The following TUT1 variants were observed in gnomAD, a reference collection of about 807,000 sequenced individuals.
TUT1 encodes terminal uridylyl transferase 1, U6 snRNA-specific.
TUT1 carries 26 observed loss-of-function variants against 48.8 expected under a neutral mutation model. That is an observed-to-expected ratio of 0.53 (90% CI 0.39 to 0.74). TUT1 has a LOEUF of 0.74. TUT1 is among the 30% of genes least tolerant of loss of function. The pLI is 0.00. For missense variants in TUT1, 1,065 were observed against 1,114.8 expected, an observed-to-expected ratio of 0.96 and a Z score of 0.64; for synonymous variants, 470 against 460.8, an observed-to-expected ratio of 1.02 and a Z score of -0.26.
chr11:62,591,479 C>G lies in TUT1; in HGVS notation c.7G>C (p.Ala3Pro). The change falls in exon 1 of 9, where the codon GCG becomes CCG. Residue 3 changes from alanine (A) to proline (P), a missense_variant. Coordinates refer to ENST00000476907, the MANE Select transcript of TUT1 (RefSeq NM_022830.3). MA[A>P]VDSDVESLPR... is the part of the protein sequence containing the mutation. ...AGCGATTCGACATCCGAATCCACCG[C>G]CGCCATAGCGACTCTCCTGTACCGA... The G allele has an allele frequency of 1.2e-6, 2 of 1,611,628 alleles. No homozygotes were observed. The highest frequency in any genetic ancestry group is 1.7e-6 in the Non-Finnish European group (2 of 1,178,896).
In TUT1 at chr11:62,575,446, G is replaced by GC. The variant is rs761045437; in HGVS notation, c.2272dup (p.Ala758GlyfsTer26). 12 of 1,611,114 alleles carry GC rather than the reference G, an allele frequency of 7.4e-6. No individual in the cohort carries two copies. The highest frequency in any genetic ancestry group is 1.7e-5 in the Admixed American group (1 of 59,990). The stretch of plus-strand genomic sequence containing the variant: ...CCAGCTCGCTGAGGAGGGCAGGGAT[G>GC]CCCCCTTCCCTGCCTCACCCTGAGA... On this transcript the variant is annotated frameshift_variant, in exon 9 of 9. Coordinates refer to ENST00000476907, the MANE Select transcript of TUT1 (RefSeq NM_022830.3). LOFTEE classifies it low-confidence loss of function (END_TRUNC).
intron 8 of TUT1, 50 bp from the exon 9 acceptor site, chr11:62,576,294 C>T (rs748482050): frequency 6.1e-6 from 9 of 1,475,676 alleles, no homozygotes; most frequent in Non-Finnish European, 8.1e-6. Context: ...GAGGCCAGAA[C>T]TGATACAGGT....
chr11:62,589,337 G>A, intron 1 of TUT1, 116 bp from the exon 2 acceptor site: 1 of 933,594 alleles, frequency 1.1e-6, no homozygotes. Flanking sequence ...TGTGACCTTT[G>A]AATAAACAAA....
Position 62,581,679 on chromosome 11 carries a change from A to G in TUT1, c.296T>C (p.Met99Thr), listed in dbSNP as rs763485459. ...AGCCTCTCGAGCACCCACGTCCCCC[A>G]TCTCCACAATGGCAAACACTCCCTG... is the stretch of plus-strand genomic sequence containing the variant. ...KDKGVFAIVE[M>T]GDVGAREAVL... The change falls in exon 3 of 9, where the codon ATG becomes ACG. Residue 99 changes from methionine to threonine, a missense_variant. Coordinates refer to ENST00000476907, the MANE Select transcript of TUT1 (RefSeq NM_022830.3). 6 of 1,475,098 alleles carry G rather than the reference A, an allele frequency of 4.1e-6. No homozygotes were observed. Among genetic ancestry groups the G allele is most frequent in the Non-Finnish European group, 5.4e-6 (6 of 1,111,606 alleles). The allele number at this position is 1,475,098 out of a possible 1,614,324, so 91.4% of individuals were successfully genotyped here. A position where few individuals can be genotyped will look rare whatever the true frequency, so the allele number is the denominator to read the frequency against.
intron 4 of TUT1, among the ~76,000 whole-genome samples, chr11:62,579,925 A>G (rs1016728952): frequency 1.6e-4 from 24 of 147,702 alleles, no homozygotes; most frequent in Admixed American, 2.7e-4. Flanking sequence ...CTTGCCTCCC[A>G]AAGTGCTGGC....
intron 1 of TUT1, among the ~76,000 whole-genome samples, chr11:62,589,523 C>A (rs1941975347): frequency 6.6e-6 from 1 of 152,192 alleles, no homozygotes. Context: ...CCTGCCTCAG[C>A]CTCGTGAGTA....
rs867214388 is a variant in TUT1, at chr11:62,589,138, G to C, written c.166C>G (p.Arg56Gly). ...GGAAAGCCACTGACAAACACACTTC[G>C]AAGTCCCTGGGCCTTTCTCGCAGCT... ...LRAARKAQGL[R>G]SVFVSGFPRD... The change falls in exon 2 of 9, where the codon CGA becomes GGA. Residue 56 changes from arginine to glycine, a missense_variant. Coordinates refer to ENST00000476907, the MANE Select transcript of TUT1 (RefSeq NM_022830.3). 2.5e-6 allele frequency: 4 copies of C among 1,614,124 alleles called. No individual in the cohort carries two copies. The African/African-American group carries it at 4.0e-5, about 16-fold the overall frequency.
chr11:62,577,875 AAC>A (rs1941755034), intron 5 of TUT1, among the ~76,000 whole-genome samples: 1 of 151,944 alleles, frequency 6.6e-6, no homozygotes, highest in Non-Finnish European at 1.5e-5. Flanking sequence ...CAGCCTGGGC[AAC>A]ACAGCGAAAT....
Position 62,576,684 on chromosome 11 carries a change from CCA to C in TUT1, c.1445_1446del (p.Leu482ArgfsTer47), listed in dbSNP as rs1251154591. 6.2e-7 allele frequency: 1 copy of C among 1,614,166 alleles called. No homozygotes were observed. Among genetic ancestry groups the C allele is most frequent in the African/African-American group, 1.3e-5 (1 of 75,026 alleles). ...AGGGGCTCCACATTTATGCTGGGCT[CCA>C]GTCTTGAGGCATCCCTGGGGAAACT... is the stretch of plus-strand genomic sequence containing the variant. Reference protein sequence around the residue: ...DCSFPRDASRLEPSINVEPLS... With the variant: ...DCSFPRDASRXEPSINVEPLS... On this transcript the variant is annotated frameshift_variant, in exon 8 of 9. Transcript: ENST00000476907. LOFTEE classifies it low-confidence loss of function (END_TRUNC).
In TUT1 at chr11:62,591,505, C is replaced by CA. The variant is rs764042528; in HGVS notation, c.-21dup. ...CGCCATAGCGACTCTCCTGTACCGA[C>CA]AAAAACACAAGCACCTCTGCCACCA... is the stretch of plus-strand genomic sequence containing the variant. On this transcript the variant is annotated 5_prime_UTR_variant, in exon 1 of 9. Transcript: ENST00000476907. 6.8e-6 allele frequency: 11 copies of CA among 1,613,924 alleles called. No individual in the cohort carries two copies. The highest frequency in any genetic ancestry group is 5.0e-5 in the Admixed American group (3 of 59,980).
In TUT1 at chr11:62,589,073, T is replaced by C; in HGVS notation, c.231A>G (p.Leu77=). ...CAACACTGGCCACAGGTCCAAATGCTAGGAAGTACTCAGAGAGCTGAGCAG... is the reference window on the plus strand; with the variant it reads ...CAACACTGGCCACAGGTCCAAATGCCAGGAAGTACTCAGAGAGCTGAGCAG... ...VDSAQLSEYF[L]AFGPVASVVM... is the part of the protein sequence containing the mutation. Residue 77 remains leucine (L), a synonymous_variant, in exon 2 of 9, where the codon CTA becomes CTG. Coordinates refer to ENST00000476907, the MANE Select transcript of TUT1 (RefSeq NM_022830.3). 6.2e-7 allele frequency: 1 copy of C among 1,613,994 alleles called. No individual in the cohort carries two copies. Among genetic ancestry groups the C allele is most frequent in the South Asian group, 1.1e-5 (1 of 91,088 alleles).
chr11:62,588,958 T>C (rs1941962575), intron 2 of TUT1, 73 bp downstream of exon 2: 3 of 1,420,854 alleles, frequency 2.1e-6, no homozygotes, highest in Non-Finnish European at 2.9e-6. Flanking sequence ...CCTCCCAAAG[T>C]GATGGGATTA....
In TUT1 at chr11:62,581,681, C is replaced by G. The variant is rs1231742730; in HGVS notation, c.294G>C (p.Glu98Asp). 3 of 1,474,552 alleles carry G rather than the reference C, an allele frequency of 2.0e-6. No individual in the cohort carries two copies. Among genetic ancestry groups the G allele is most frequent in the Non-Finnish European group, 2.7e-6 (3 of 1,111,296 alleles). The allele number at this position is 1,474,552 out of a possible 1,614,324, so 91.3% of individuals were successfully genotyped here. A position where few individuals can be genotyped will look rare whatever the true frequency, so the allele number is the denominator to read the frequency against. ...DKDKGVFAIV[E>D]MGDVGAREAV... ...CCTCTCGAGCACCCACGTCCCCCAT[C>G]TCCACAATGGCAAACACTCCCTGGT... Residue 98 changes from glutamate to aspartate, a missense_variant, in exon 3 of 9, where the codon GAG (glutamate) becomes GAC (aspartate). Transcript: ENST00000476907.
Position 62,577,163 on chromosome 11 carries a change from T to C in TUT1, c.1270+19A>G, listed in dbSNP as rs1367707120. 6.2e-7 allele frequency: 1 copy of C among 1,605,364 alleles called. No homozygotes were observed. The highest frequency in any genetic ancestry group is 8.5e-7 in the Non-Finnish European group (1 of 1,175,582). ...CCTGAGACCAACTCAGCCCCAAGTC[T>C]GTCCTGATCCATTCTCACCTGACAG... On this transcript the variant is annotated intron_variant, in intron 6 of 8. Transcript: ENST00000476907.
Position 62,577,276 on chromosome 11 carries a change from G to A in TUT1, c.1176C>T (p.Asn392=). ...VSLSNRLALH[N]SRFLSLCSEL... The stretch of plus-strand genomic sequence containing the variant: ...CAGAGCAGAGACTCAGGAAACGGGA[G>A]TTATGCAGGGCCAGCCTGGGACAAA... Residue 392 remains asparagine, a synonymous_variant, in exon 6 of 9, where the codon AAC becomes AAT. Transcript: ENST00000476907. 1 of 1,612,810 alleles carries A rather than the reference G, an allele frequency of 6.2e-7. No individual in the cohort carries two copies. The highest frequency in any genetic ancestry group is 1.7e-4 in the Middle Eastern group (1 of 6,054).
At chr11:62,585,469 C>T (rs975125731) in intron 2 of TUT1, among the ~76,000 whole-genome samples, 1 of 152,200 alleles carries the variant, frequency 6.6e-6, no homozygotes, top group African/African-American at 2.4e-5. Flanking sequence ...TTCACTGGGC[C>T]TGTCTGTGCT....
intron 6 of TUT1, 67 bp from the exon 7 acceptor site, chr11:62,577,084 T>G (rs1161156514): frequency 6.3e-7 from 1 of 1,589,990 alleles, no homozygotes; most frequent in African/African-American, 1.3e-5. Flanking sequence ...GGCAGTTTTC[T>G]CAACCCCGGT....
At chr11:62,590,410 G>C (rs1941990596) in intron 1 of TUT1, among the ~76,000 whole-genome samples, 1 of 152,228 alleles carries the variant, frequency 6.6e-6, no homozygotes, top group African/African-American at 2.4e-5. Flanking sequence ...GCCGAGGCGG[G>C]CGGGTCACGA....
At position 62,576,205 on chromosome 11, in the gene TUT1, C is replaced by A; in HGVS notation, c.1514G>T (p.Trp505Leu). The part of the protein sequence containing the change: ...LAQFFSCVSC[W>L]DLRGSLLSLR... The stretch of plus-strand genomic sequence containing the variant: ...GGACAGCAGGGAGCCACGAAGATCC[C>A]AACAAGATACACAGGAGAAGAACTG... Residue 505 changes from tryptophan (W) to leucine (L), a missense_variant, in exon 9 of 9, where the codon TGG becomes TTG. Coordinates refer to ENST00000476907, the MANE Select transcript of TUT1 (RefSeq NM_022830.3). The A allele has an allele frequency of 6.2e-7, 1 of 1,604,896 alleles. No homozygotes were observed. The highest frequency in any genetic ancestry group is 8.5e-7 in the Non-Finnish European group (1 of 1,175,734).
Sources: gnomAD v4.1 joint callset for allele counts (sites outside exome capture counted in the v4.1 genomes callset) on GRCh38, gnomAD v4.1.1 for gene constraint, MANE v1.5 for transcripts, NCBI Gene and HGNC (gene_info 2026-07-23, HGNC 2026-07-21) for gene names.